Variants in DMD observed in about 807,000 individuals in gnomAD.
DMD encodes dystrophin.
DMD carries 63 observed loss-of-function variants against 330.1 expected under a neutral mutation model. The observed-to-expected ratio is 0.19, with a 90% CI of 0.16 to 0.24. DMD has a LOEUF of 0.24. Among genes scored for constraint, DMD ranks in the 10% least tolerant of loss-of-function variants. The pLI, the probability that DMD is intolerant of heterozygous loss-of-function variation, is 1.00. For missense variants in DMD, 3,344 were observed against 2,684.1 expected, an observed-to-expected ratio of 1.25 and a Z score of -5.43; for synonymous variants, 1,223 against 959.8, an observed-to-expected ratio of 1.27 and a Z score of -5.07.
At position 31,812,188 on chromosome X, in the gene DMD, G is replaced by C. The variant is rs902136008; in HGVS notation, c.7309+7787C>G. On this transcript the variant is annotated intron_variant, in intron 50 of 78. Coordinates refer to ENST00000357033, the MANE Select transcript of DMD (RefSeq NM_004006.3). Reference sequence around the variant, plus strand: ...GCTTTATTTAACTTTGTAGAGGTGAGTGAAGTTCAAATTAAAATGTATAAA... The same window carrying C: ...GCTTTATTTAACTTTGTAGAGGTGACTGAAGTTCAAATTAAAATGTATAAA... 2.7e-5 allele frequency among the ~76,000 whole-genome samples: 3 copies of C among 109,911 alleles called. No homozygotes were observed. In the Admixed American group the frequency reaches 2.9e-4, roughly 11 times the overall value.
intron 13 of DMD, among the ~76,000 whole-genome samples, chrX:32,590,588 G>T (rs971713239): frequency 2.7e-5 from 3 of 111,609 alleles, no homozygotes; most frequent in African/African-American, 9.8e-5. Flanking sequence ...AGCTTGCTTG[G>T]TAAGTTTACT....
intron 4 of DMD, among the ~76,000 whole-genome samples, chrX:32,835,123 T>C (rs1292223041): frequency 3.6e-5 from 4 of 112,013 alleles, no homozygotes; most frequent in African/African-American, 9.7e-5. Flanking sequence ...TAGAACTTAG[T>C]TATATCCAAG....
chrX:32,246,627 G>C (rs1050559017), intron 43 of DMD, among the ~76,000 whole-genome samples: 1 of 93,228 alleles, frequency 1.1e-5, no homozygotes, highest in Non-Finnish European at 2.1e-5. Flanking sequence ...ATTGATTATT[G>C]CCACAATTTC....
rs1192413438 is a variant in DMD at position 32,783,008 on chromosome X, CACGTAT to C, written c.649+26479_649+26484del. Among the ~76,000 whole-genome samples the C allele has an allele frequency of 1.6e-4, 17 of 103,056 alleles. No homozygotes were observed. In the South Asian group the frequency reaches 7.2e-3, roughly 44 times the overall value. 89.5% of individuals were successfully genotyped at this position (103,056 alleles called of 115,157 possible). A position where few individuals can be genotyped will look rare whatever the true frequency, so the allele number is the denominator to read the frequency against. On this transcript the variant is annotated intron_variant, in intron 7 of 78. Transcript: ENST00000357033. ...TATGGTGTGTGTATATATACACACA[CACGTAT>C]ATATACATATATGGTGTGTTTATAT...
intron 17 of DMD, among the ~76,000 whole-genome samples, chrX:32,538,425 G>A (rs776369186): frequency 9.1e-6 from 1 of 109,895 alleles, no homozygotes; most frequent in East Asian, 2.9e-4. Context: ...AATCCCCTTT[G>A]ACTGTAATTT....
intron 6 of DMD, among the ~76,000 whole-genome samples, chrX:32,812,584 G>T (rs770540077): frequency 8.9e-6 from 1 of 112,381 alleles, no homozygotes; most frequent in East Asian, 2.8e-4. Flanking sequence ...AGTGAGCCAA[G>T]GTTGGCCCAC....
chrX:31,255,661 G>GT (rs1166472116), intron 63 of DMD, among the ~76,000 whole-genome samples: 1 of 110,223 alleles, frequency 9.1e-6, no homozygotes, highest in Non-Finnish European at 1.9e-5. Flanking sequence ...TAGCCGAAAG[G>GT]TACCTCTTGA....
intron 1 of DMD, among the ~76,000 whole-genome samples, chrX:33,296,257 T>A (rs1192740258): frequency 9.0e-6 from 1 of 110,914 alleles, no homozygotes; most frequent in Non-Finnish European, 1.9e-5. Context: ...GTCTCCCACA[T>A]GAAACATCAC....
chrX:31,243,923 C>A (rs911331329), intron 63 of DMD, among the ~76,000 whole-genome samples: 5 of 110,995 alleles, frequency 4.5e-5, no homozygotes, highest in Non-Finnish European at 7.5e-5. Flanking sequence ...GCTCTATATT[C>A]TTTAATTGCG....
chrX:31,938,392 A>T (rs1295012412), intron 45 of DMD, among the ~76,000 whole-genome samples: 1 of 112,064 alleles, frequency 8.9e-6, no homozygotes, highest in Non-Finnish European at 1.9e-5. Flanking sequence ...GAAAATGGAG[A>T]TACAATGATC....
At chrX:31,721,718 CTATATATA>C (rs1226368643) in intron 52 of DMD, among the ~76,000 whole-genome samples, 24 of 56,473 alleles carry the variant, frequency 4.2e-4, no homozygotes, top group African/African-American at 7.8e-4. Context: ...CTCTCTCTCT[CTATATATA>C]TATATATATA....
At chrX:32,712,716 T>C (rs1359087988) in intron 7 of DMD, among the ~76,000 whole-genome samples, 1 of 111,598 alleles carries the variant, frequency 9.0e-6, no homozygotes, top group Non-Finnish European at 1.9e-5. Context: ...TTATTGATTT[T>C]TTATTACTAG....
intron 44 of DMD, among the ~76,000 whole-genome samples, chrX:32,033,599 C>CAGAAAGAAAGAA (rs1247931001): frequency 1.5e-3 from 49 of 33,100 alleles, no homozygotes; most frequent in African/African-American, 1.7e-3. Flanking sequence ...GACAGACAGA[C>CAGAAAGAAAGAA]AGACAGAAAG....
At position 31,972,324 on chromosome X, in the gene DMD, T is replaced by C. The variant is rs190047032; in HGVS notation, c.6439-3810A>G. 4.9e-4 allele frequency among the ~76,000 whole-genome samples: 55 copies of C among 111,800 alleles called. 1 individual carries two copies. The highest frequency in any genetic ancestry group is 1.6e-3 in the African/African-American group (49 of 30,915). On this transcript the variant is annotated intron_variant, in intron 44 of 78. Coordinates refer to ENST00000357033, the MANE Select transcript of DMD (RefSeq NM_004006.3). ...GAGGAAACATAGGCAAAGAAAGAAC[T>C]GCTACATTTTTATTTTTATACAGGG...
chrX:32,364,815 G>C, intron 35 of DMD, 105 bp from the exon 36 acceptor site: 1 of 949,526 alleles, frequency 1.1e-6, no homozygotes, highest in South Asian at 2.3e-5. Flanking sequence ...AAGTTTCATT[G>C]AGATTAGTTT....
In DMD at chrX:32,617,356, T is replaced by A. The variant is rs189681930; in HGVS notation, c.1332-2903A>T. 2.5e-3 allele frequency among the ~76,000 whole-genome samples: 279 copies of A among 111,576 alleles called. 1 individual carries two copies. The highest frequency in any genetic ancestry group is 8.8e-3 in the African/African-American group (270 of 30,788). ...CCATAGTAACCAAGACAGCATTGTA[T>A]TAGCATAAAAACTGATCAGTGGAAC... On this transcript the variant is annotated intron_variant, in intron 11 of 78. Coordinates refer to ENST00000357033, the MANE Select transcript of DMD (RefSeq NM_004006.3).
chrX:31,546,781 AT>A (rs1199726080), intron 55 of DMD, among the ~76,000 whole-genome samples: 1 of 112,206 alleles, frequency 8.9e-6, no homozygotes, highest in Admixed American at 9.4e-5. Flanking sequence ...ATAGCCCCCT[AT>A]CTATGACATA....
intron 44 of DMD, among the ~76,000 whole-genome samples, chrX:32,007,484 T>C (rs903764132): frequency 1.8e-5 from 2 of 110,861 alleles, no homozygotes; most frequent in African/African-American, 6.6e-5. Context: ...CAGCTTGTGG[T>C]AATTTGTTAC....
At chrX:32,412,087 A>G in intron 29 of DMD, 174 bp from the exon 30 acceptor site, 4 of 1,175,685 alleles carry the variant, frequency 3.4e-6, no homozygotes, top group Non-Finnish European at 4.6e-6. Context: ...AAAAATGTGA[A>G]GGAGAAAAAT....
Sources: allele counts gnomAD v4.1 joint callset (sites outside exome capture counted in the v4.1 genomes callset), GRCh38; gene constraint gnomAD v4.1.1; transcripts MANE v1.5; gene names NCBI Gene and HGNC (gene_info 2026-07-23, HGNC 2026-07-21).